MACF1: variants seen among roughly 807,000 people sequenced by gnomAD.
MACF1 encodes the protein microtubule actin crosslinking factor 1.
A neutral mutation model predicts 854.8 loss-of-function variants in MACF1; 193 were observed. That is an observed-to-expected ratio of 0.23 (90% confidence interval 0.20 to 0.25). The LOEUF is 0.25. Ranked by LOEUF, MACF1 falls within the 10% of genes least tolerant of loss-of-function variation. The pLI, the probability that MACF1 is intolerant of heterozygous loss-of-function variation, is 1.00. For synonymous variants in MACF1, 3,185 were observed against 3,226.7 expected, an observed-to-expected ratio of 0.99 and a Z score of 0.44; for missense variants, 7,722 against 8,929.1, an observed-to-expected ratio of 0.86 and a Z score of 5.45.
chr1:39,218,736 A>G (rs971181907), intron 1 of MACF1, among the ~76,000 whole-genome samples: 1 of 152,054 alleles, frequency 6.6e-6, no homozygotes, highest in African/African-American at 2.4e-5. Context: ...AAGAATTATC[A>G]TTATAATATT....
chr1:39,462,750 TG>T (rs1644581011), intron 93 of MACF1, among the ~76,000 whole-genome samples: 1 of 151,986 alleles, frequency 6.6e-6, no homozygotes, highest in Non-Finnish European at 1.5e-5. Flanking sequence ...GGGAGTAAAA[TG>T]TAATGTTTAA....
Position 39,412,902 on chromosome 1 carries a change from A to G in MACF1, c.15817-9472A>G, listed in dbSNP as rs770477858. ...TAGTTGCTGCTTTAGTGCCCTTTCCACATGAGGACATCCTAGTTGCTTCAA... is the reference window on the plus strand; with the variant it reads ...TAGTTGCTGCTTTAGTGCCCTTTCCGCATGAGGACATCCTAGTTGCTTCAA... On this transcript the variant is annotated intron_variant, in intron 58 of 100. Transcript: ENST00000564288. 8 of 1,608,652 alleles carry G rather than the reference A, an allele frequency of 5.0e-6. No individual in the cohort carries two copies. In the South Asian group the frequency reaches 7.8e-5, roughly 16 times the overall value.
chr1:39,332,270 C>CTGG lies in MACF1; in HGVS notation c.5682_5683insTGG (p.Thr1894_Thr1895insTrp), dbSNP rs1380915281. 1.2e-6 allele frequency: 2 copies of CTGG among 1,613,814 alleles called. No homozygotes were observed. The highest frequency in any genetic ancestry group is 2.2e-5 in the South Asian group (2 of 91,062). ...TTAAGGCTCTGTTTCTACCAGCAAC[C>CTGG]ACAGAGATTTTGTCCTGGAAGAAAG... On this transcript the variant is annotated inframe_insertion, in exon 37 of 101. Transcript: ENST00000564288.
chr1:39,393,088 G>A (rs573260996), intron 58 of MACF1, among the ~76,000 whole-genome samples: 3 of 151,178 alleles, frequency 2.0e-5, no homozygotes, highest in African/African-American at 7.3e-5. Context: ...GGAATTGTAT[G>A]TGTCTAACAG....
Position 39,309,573 on chromosome 1 carries a change from C to A in MACF1, c.2793C>A (p.Val931=). 1.9e-6 allele frequency: 3 copies of A among 1,613,938 alleles called. No homozygotes were observed. In the South Asian group the frequency reaches 3.3e-5, roughly 18 times the overall value. ...TCAGGTTCTGTGTTATTTCTAGGGT[C>A]GAACAATCTTATCAGAAGGTTATGG... is the stretch of plus-strand genomic sequence containing the variant. The part of the protein sequence containing the change: ...NKDAIEMASR[V]EQSYQKVMAL... Residue 931 remains valine (V), a synonymous_variant, in exon 24 of 101, where the codon GTC becomes GTA. Coordinates refer to ENST00000564288, the MANE Select transcript of MACF1 (RefSeq NM_001394062.1).
intron 1 of MACF1, among the ~76,000 whole-genome samples, chr1:39,221,834 G>T (rs904047986): frequency 2.8e-4 from 42 of 152,132 alleles, no homozygotes; most frequent in African/African-American, 8.4e-4. Context: ...CTGCCTCTTA[G>T]TGTCTTTCTG....
In MACF1 at chr1:39,361,500, A is replaced by G. The variant is rs773445912; in HGVS notation, c.12594A>G (p.Glu4198=). The G allele has an allele frequency of 2.5e-6, 4 of 1,614,222 alleles. No homozygotes were observed. In the South Asian group the frequency reaches 4.4e-5, roughly 18 times the overall value. The change falls in exon 49 of 101, where the codon GAA becomes GAG. Residue 4198 remains glutamate, a synonymous_variant. Coordinates refer to ENST00000564288, the MANE Select transcript of MACF1 (RefSeq NM_001394062.1). ...TGGCAGAGGTGAGCCAGCGGTTCGAACAGCTCTGTCTACAGCAGCAAGAAA... is the reference window on the plus strand; with the variant it reads ...TGGCAGAGGTGAGCCAGCGGTTCGAGCAGCTCTGTCTACAGCAGCAAGAAA... ...GKLAEVSQRF[E]QLCLQQQEKE... is the part of the protein sequence containing the mutation.
At chr1:39,147,387 C>T (rs557806201) in intron 2 of MACF1, among the ~76,000 whole-genome samples, 44 of 139,336 alleles carry the variant, frequency 3.2e-4, no homozygotes, top group African/African-American at 1.2e-3. Flanking sequence ...TTTCCTTCCC[C>T]TTCTTTCCTT....
At chr1:39,288,116 A>T (rs1053355529) in intron 15 of MACF1, among the ~76,000 whole-genome samples, 1 of 152,228 alleles carries the variant, frequency 6.6e-6, no homozygotes, top group African/African-American at 2.4e-5. Flanking sequence ...TAATAATCAC[A>T]TCATGGAAAA....
intron 2 of MACF1, among the ~76,000 whole-genome samples, chr1:39,190,414 T>G (rs1447736643): frequency 1.4e-5 from 2 of 143,492 alleles, no homozygotes; most frequent in African/African-American, 5.0e-5. Context: ...TTTTTTTTTT[T>G]TTTTTGATGG....
intron 6 of MACF1, among the ~76,000 whole-genome samples, chr1:39,264,979 T>A (rs2148351084): frequency 6.6e-6 from 1 of 152,318 alleles, no homozygotes; most frequent in East Asian, 1.9e-4. Flanking sequence ...CGGCCAGGAT[T>A]TCTTGTCTTT....
At chr1:39,229,095 A>G (rs1450499244) in intron 1 of MACF1, among the ~76,000 whole-genome samples, 1 of 152,244 alleles carries the variant, frequency 6.6e-6, no homozygotes, top group Non-Finnish European at 1.5e-5. Flanking sequence ...TAAATTTTAA[A>G]CATCAAGAAT....
rs1642197968 is a variant in MACF1, at chr1:39,105,288, G to A, written c.220+20850G>A. On this transcript the variant is annotated intron_variant, in intron 2 of 93. Coordinates refer to the MACF1 transcript ENST00000361689. The surrounding 1 kb of genome is among the most constrained non-coding windows in gnomAD (Gnocchi z 5.9). The stretch of plus-strand genomic sequence containing the variant: ...GGAGGCGGCGGGGAGAGGGGGCGGG[G>A]AACGGGCCGGGCCTGGCGCTCCTGA... The A allele has an allele frequency of 3.7e-6, 2 of 536,342 alleles. No individual in the cohort carries two copies. Among genetic ancestry groups the A allele is most frequent in the Non-Finnish European group, 4.8e-6 (2 of 420,390 alleles). The allele number at this position is 536,342 out of a possible 1,614,324, so 33.2% of individuals were successfully genotyped here. A position where few individuals can be genotyped will look rare whatever the true frequency, so the allele number is the denominator to read the frequency against.
At chr1:39,407,771 G>A (rs990129769) in intron 58 of MACF1, among the ~76,000 whole-genome samples, 4 of 152,218 alleles carry the variant, frequency 2.6e-5, no homozygotes, top group African/African-American at 9.6e-5. Context: ...CTTACTGTTT[G>A]TGTAAAGGAT....
chr1:39,158,998 G>GA (rs1013124117), intron 2 of MACF1, among the ~76,000 whole-genome samples: 1 of 152,168 alleles, frequency 6.6e-6, no homozygotes, highest in African/African-American at 2.4e-5. Flanking sequence ...AGAAGTTCCT[G>GA]GAGGGACTCA....
intron 82 of MACF1, 44 bp downstream of exon 82, chr1:39,447,942 G>C (rs1261120975): frequency 3.7e-6 from 6 of 1,611,904 alleles, no homozygotes; most frequent in Non-Finnish European, 5.1e-6. Context: ...AGAGTCTTGG[G>C]CTGCATGTAT....
chr1:39,155,729 A>G (rs1346442341), intron 2 of MACF1, among the ~76,000 whole-genome samples: 1 of 152,136 alleles, frequency 6.6e-6, no homozygotes, highest in Non-Finnish European at 1.5e-5. Context: ...TATTTTATTT[A>G]TTTATTTAAG....
At chr1:39,414,394 G>C in intron 58 of MACF1, 1 of 1,613,978 alleles carries the variant, frequency 6.2e-7, no homozygotes, top group Non-Finnish European at 8.5e-7. Flanking sequence ...TGATTCCCTA[G>C]TATTTGGCAT....
chr1:39,223,950 C>T (rs888047316), intron 1 of MACF1, among the ~76,000 whole-genome samples: 6 of 152,006 alleles, frequency 3.9e-5, no homozygotes, highest in African/African-American at 1.5e-4. Flanking sequence ...CTGTCAGAAG[C>T]AAGGAGAAAA....
Sources: gnomAD v4.1 joint callset for allele counts (sites outside exome capture counted in the v4.1 genomes callset) on GRCh38, gnomAD v4.1.1 for gene constraint, Gnocchi (gnomAD v3.1) non-coding constraint, MANE v1.5 for transcripts, NCBI Gene and HGNC (gene_info 2026-07-23, HGNC 2026-07-21) for gene names.